FBXL7: variants seen among roughly 807,000 people sequenced by gnomAD.
The protein encoded by FBXL7 is F-box and leucine rich repeat protein 7, also known as F-box/LRR-repeat protein 7.
A neutral mutation model predicts 38.3 loss-of-function variants in FBXL7; 12 were observed. That is an observed-to-expected ratio of 0.31 (90% confidence interval 0.20 to 0.51). The LOEUF is 0.51. Among genes scored for constraint, FBXL7 ranks in the 20% least tolerant of loss-of-function variants. The probability of loss-of-function intolerance (pLI) is 0.98; values close to 1 mark genes in which losing one functional copy is unlikely to be tolerated. For missense variants in FBXL7, 567 were observed against 676.4 expected (o/e 0.84, Z 1.79); for synonymous variants, 297 against 300.9 (o/e 0.99, Z 0.13).
chr5:15,860,598 C>G (rs913131865), intron 2 of FBXL7, among the ~76,000 whole-genome samples: 1 of 152,188 alleles, frequency 6.6e-6, no homozygotes. Flanking sequence ...TTGAAAAGCA[C>G]TTATTCCAGT....
intron 2 of FBXL7, among the ~76,000 whole-genome samples, chr5:15,903,214 G>A (rs1242375136): frequency 6.6e-6 from 1 of 152,200 alleles, no homozygotes; most frequent in Non-Finnish European, 1.5e-5. Flanking sequence ...TAAAAGATCA[G>A]ACTCTCAACT....
At chr5:15,692,708 C>G (rs1236976210) in intron 2 of FBXL7, among the ~76,000 whole-genome samples, 1 of 152,176 alleles carries the variant, frequency 6.6e-6, no homozygotes, top group Non-Finnish European at 1.5e-5. Context: ...GGTCACAGCT[C>G]TTCTAGGGGT....
chr5:15,903,528 T>C lies in FBXL7; in HGVS notation c.128-24362T>C, dbSNP rs573363715. On this transcript the variant is annotated intron_variant, in intron 2 of 3. Coordinates refer to ENST00000504595, the MANE Select transcript of FBXL7 (RefSeq NM_012304.5). ...CCACAATTTATTCCAACTGACATTT[T>C]TTATGCTTTTAGTTCTTAATTTTAA... Among the ~76,000 whole-genome samples the C allele has an allele frequency of 4.6e-5, 7 of 152,310 alleles. No individual in the cohort carries two copies. The East Asian group carries it at 1.4e-3, about 29-fold the overall frequency.
At chr5:15,578,296 A>G (rs1459757841) in intron 1 of FBXL7, among the ~76,000 whole-genome samples, 2 of 152,110 alleles carry the variant, frequency 1.3e-5, no homozygotes, top group African/African-American at 4.8e-5. Flanking sequence ...ATTTCTTGAG[A>G]TGAGACATAG....
chr5:15,692,681 C>A (rs893199175), intron 2 of FBXL7, among the ~76,000 whole-genome samples: 1 of 152,142 alleles, frequency 6.6e-6, no homozygotes, highest in Admixed American at 6.5e-5. Flanking sequence ...TTCCAAAGAT[C>A]GTGCAAATGA....
intron 2 of FBXL7, among the ~76,000 whole-genome samples, chr5:15,802,557 C>T (rs1737598199): frequency 6.6e-6 from 1 of 152,094 alleles, no homozygotes; most frequent in South Asian, 2.1e-4. Context: ...ACTTGGCTGT[C>T]TCCTTTCCAT....
At chr5:15,734,604 C>T (rs1400519467) in intron 2 of FBXL7, among the ~76,000 whole-genome samples, 1 of 152,214 alleles carries the variant, frequency 6.6e-6, no homozygotes, top group Non-Finnish European at 1.5e-5. Context: ...CCTCCTCTTC[C>T]ATCCTTCCTT....
At chr5:15,801,730 C>T (rs1310084713) in intron 2 of FBXL7, among the ~76,000 whole-genome samples, 1 of 151,248 alleles carries the variant, frequency 6.6e-6, no homozygotes, top group African/African-American at 2.4e-5. Flanking sequence ...GGCCCTCTTA[C>T]CTTTGGCTGT....
chr5:15,827,226 GT>G (rs1262321430), intron 2 of FBXL7, among the ~76,000 whole-genome samples: 1 of 151,244 alleles, frequency 6.6e-6, no homozygotes, highest in Non-Finnish European at 1.5e-5. Context: ...TCTCAATGTG[GT>G]TTTTTTTGTC....
intron 1 of FBXL7, among the ~76,000 whole-genome samples, chr5:15,553,688 T>A (rs1435539160): frequency 6.6e-6 from 1 of 152,192 alleles, no homozygotes; most frequent in Non-Finnish European, 1.5e-5. Context: ...ACATGCATTG[T>A]TTAGTTGTAA....
At chr5:15,913,950 G>A (rs1392359247) in intron 2 of FBXL7, among the ~76,000 whole-genome samples, 1 of 152,142 alleles carries the variant, frequency 6.6e-6, no homozygotes, top group East Asian at 1.9e-4. Context: ...GGAGGGCAGG[G>A]GGACAGGAAT....
At chr5:15,727,602 C>T (rs1735441788) in intron 2 of FBXL7, among the ~76,000 whole-genome samples, 1 of 152,080 alleles carries the variant, frequency 6.6e-6, no homozygotes, top group Non-Finnish European at 1.5e-5. Flanking sequence ...TAGGGAATCC[C>T]ATGTATGTGA....
chr5:15,659,094 A>C (rs943394463), intron 2 of FBXL7, among the ~76,000 whole-genome samples: 3 of 152,160 alleles, frequency 2.0e-5, no homozygotes, highest in Non-Finnish European at 4.4e-5. Flanking sequence ...TTCCTTTATA[A>C]ATTACACAGT....
chr5:15,538,700 A>G (rs925842657), intron 1 of FBXL7, among the ~76,000 whole-genome samples: 4 of 152,154 alleles, frequency 2.6e-5, no homozygotes, highest in African/African-American at 7.2e-5. Flanking sequence ...ATTTAAAGCT[A>G]TTTAAATGCA....
intron 1 of FBXL7, among the ~76,000 whole-genome samples, chr5:15,556,632 C>T (rs981040037): frequency 1.6e-4 from 25 of 152,160 alleles, no homozygotes; most frequent in African/African-American, 5.8e-4. Flanking sequence ...TCATAACATA[C>T]ATATATGGGA....
At chr5:15,900,154 C>A (rs1027902372) in intron 2 of FBXL7, among the ~76,000 whole-genome samples, 1 of 151,762 alleles carries the variant, frequency 6.6e-6, no homozygotes, top group Non-Finnish European at 1.5e-5. Context: ...ATTTTTTACA[C>A]GAAGAAATAA....
At chr5:15,929,896 A>G (rs1741994953) in intron 3 of FBXL7, among the ~76,000 whole-genome samples, 1 of 152,152 alleles carries the variant, frequency 6.6e-6, no homozygotes, top group African/African-American at 2.4e-5. Flanking sequence ...GTCAAGAAGT[A>G]AAAAACACTA....
chr5:15,514,082 C>T (rs888041856), intron 1 of FBXL7, among the ~76,000 whole-genome samples: 1 of 152,122 alleles, frequency 6.6e-6, no homozygotes, highest in Admixed American at 6.5e-5. Flanking sequence ...ATAGTCATTT[C>T]TTTGATACTG....
At chr5:15,612,114 A>C (rs1256643825) in intron 1 of FBXL7, among the ~76,000 whole-genome samples, 1 of 152,192 alleles carries the variant, frequency 6.6e-6, no homozygotes, top group Non-Finnish European at 1.5e-5. Context: ...CTAAGGGGAC[A>C]CAATCCACCC....
Sources: gnomAD v4.1 joint callset for allele counts (sites outside exome capture counted in the v4.1 genomes callset) on GRCh38, gnomAD v4.1.1 for gene constraint, MANE v1.5 for transcripts, NCBI Gene and HGNC (gene_info 2026-07-23, HGNC 2026-07-21) for gene names.